The following FOXP1 variants were observed in gnomAD, a reference collection of about 807,000 sequenced individuals.
FOXP1 encodes forkhead box P1.
In FOXP1, 15 loss-of-function variants were observed where a neutral mutation model predicts 98.2. The observed-to-expected ratio is 0.15, with a 90% CI of 0.10 to 0.24. The LOEUF (loss-of-function observed/expected upper bound fraction) is 0.24, where lower values mean the gene tolerates loss of function less well. FOXP1 is among the 10% of genes least tolerant of loss of function. The pLI, the probability that FOXP1 is intolerant of heterozygous loss-of-function variation, is 1.00. For synonymous variants in FOXP1, 371 were observed against 314.5 expected (o/e 1.18, Z -1.90); for missense variants, 633 against 848.5 (o/e 0.75, Z 3.15).
At chr3:71,384,995 C>G (rs530746646) in intron 3 of FOXP1, among the ~76,000 whole-genome samples, 1 of 152,010 alleles carries the variant, frequency 6.6e-6, no homozygotes, top group Non-Finnish European at 1.5e-5. Flanking sequence ...AATAATACAG[C>G]ATTTCTTTGG....
At chr3:71,157,652 G>A (rs1175452288) in intron 6 of FOXP1, among the ~76,000 whole-genome samples, 2 of 152,324 alleles carry the variant, frequency 1.3e-5, no homozygotes, top group African/African-American at 4.8e-5. Context: ...CATTAAGTAT[G>A]TAAATCTTCT....
At chr3:71,314,396 C>T (rs765729002) in intron 4 of FOXP1, among the ~76,000 whole-genome samples, 4 of 151,804 alleles carry the variant, frequency 2.6e-5, no homozygotes, top group Admixed American at 6.6e-5. Context: ...GGTGTGGTGG[C>T]GGGAGCCTGT....
chr3:71,384,633 A>C (rs894170834), intron 3 of FOXP1, among the ~76,000 whole-genome samples: 1 of 152,244 alleles, frequency 6.6e-6, no homozygotes, highest in Admixed American at 6.5e-5. Flanking sequence ...TTCTGAGTTG[A>C]CACTGGTATG....
At chr3:71,139,521 C>G (rs1413108186) in intron 6 of FOXP1, among the ~76,000 whole-genome samples, 1 of 151,568 alleles carries the variant, frequency 6.6e-6, no homozygotes, top group Non-Finnish European at 1.5e-5. Flanking sequence ...GTTAATTGAT[C>G]TACTCTGCCC....
At chr3:70,998,514 A>G (rs1445070635) in intron 13 of FOXP1, among the ~76,000 whole-genome samples, 1 of 152,198 alleles carries the variant, frequency 6.6e-6, no homozygotes, top group Non-Finnish European at 1.5e-5. Context: ...GCAGAAATGG[A>G]ACACGTCAGA....
chr3:71,150,838 T>C (rs2060535608), intron 6 of FOXP1, among the ~76,000 whole-genome samples: 2 of 152,166 alleles, frequency 1.3e-5, no homozygotes. Context: ...TGTTTTGTTG[T>C]CTACCCCGTT....
chr3:71,088,393 G>GTTTTGTTT (rs1553730902), intron 7 of FOXP1, among the ~76,000 whole-genome samples: 3 of 120,146 alleles, frequency 2.5e-5, no homozygotes, highest in Non-Finnish European at 1.9e-5. Flanking sequence ...ACATTGTTTT[G>GTTTTGTTT]TTTTTTGTTT....
intron 20 of FOXP1, 94 bp from the exon 21 acceptor site, chr3:70,959,485 TCTAGAA>T (rs2032693885): frequency 1.5e-6 from 2 of 1,358,834 alleles, no homozygotes; most frequent in Non-Finnish European, 2.1e-6. Flanking sequence ...AAAGCCGCAC[TCTAGAA>T]CTAGAACTCT....
intron 2 of FOXP1, among the ~76,000 whole-genome samples, chr3:71,554,339 G>T (rs2045973022): frequency 6.6e-6 from 1 of 151,964 alleles, no homozygotes; most frequent in South Asian, 2.1e-4. Context: ...GGTGACAGAG[G>T]GGGACTCTGT....
At chr3:71,481,820 C>T (rs999801034) in intron 3 of FOXP1, among the ~76,000 whole-genome samples, 3 of 152,140 alleles carry the variant, frequency 2.0e-5, no homozygotes, top group Admixed American at 6.5e-5. Flanking sequence ...ACTCTAAAGG[C>T]GCCTTGAGAA....
At chr3:71,434,414 C>T (rs2108406145) in intron 3 of FOXP1, among the ~76,000 whole-genome samples, 1 of 152,278 alleles carries the variant, frequency 6.6e-6, no homozygotes, top group Non-Finnish European at 1.5e-5. Flanking sequence ...GCCCAAGTCC[C>T]AACTTCCCTC....
At chr3:71,191,079 C>T (rs1262980965) in intron 6 of FOXP1, among the ~76,000 whole-genome samples, 2 of 152,166 alleles carry the variant, frequency 1.3e-5, no homozygotes, top group African/African-American at 4.8e-5. Flanking sequence ...CTATGCACTA[C>T]CTAAAAGTAC....
At chr3:71,001,248 T>G (rs1480175383) in intron 12 of FOXP1, among the ~76,000 whole-genome samples, 189 bp from the exon 13 acceptor site, 3 of 152,174 alleles carry the variant, frequency 2.0e-5, no homozygotes, top group African/African-American at 4.8e-5. Flanking sequence ...CACACACTGT[T>G]ATCACCCAAA....
At chr3:71,501,920 G>T (rs138700541) in intron 2 of FOXP1, among the ~76,000 whole-genome samples, 1 of 152,190 alleles carries the variant, frequency 6.6e-6, no homozygotes, top group Non-Finnish European at 1.5e-5. Context: ...GGTTTCTTTC[G>T]CAGAGTGAGA....
chr3:71,186,666 G>A (rs953901076), intron 6 of FOXP1, among the ~76,000 whole-genome samples: 3 of 152,170 alleles, frequency 2.0e-5, no homozygotes, highest in Non-Finnish European at 2.9e-5. Flanking sequence ...AGCTGAGACA[G>A]GGCCACTGTA....
intron 17 of FOXP1, among the ~76,000 whole-genome samples, chr3:70,976,365 G>C (rs1009704856): frequency 1.3e-5 from 2 of 152,158 alleles, no homozygotes; most frequent in East Asian, 1.9e-4. Context: ...ACAATCTCTT[G>C]ACTTAAAACC....
chr3:71,407,764 C>CA (rs201407194), intron 3 of FOXP1, among the ~76,000 whole-genome samples: 2,578 of 140,944 alleles, frequency 0.018, 78 homozygotes, highest in African/African-American at 0.062. Flanking sequence ...AAATAGGGAC[C>CA]AAAAAAAAAA....
At chr3:71,381,403 G>C (rs150329428) in intron 3 of FOXP1, among the ~76,000 whole-genome samples, 4 of 144,918 alleles carry the variant, frequency 2.8e-5, no homozygotes, top group Non-Finnish European at 6.0e-5. Flanking sequence ...CTCCCAAAGT[G>C]CTAGGATTAC....
chr3:71,514,201 T>C (rs1460923547), intron 2 of FOXP1, among the ~76,000 whole-genome samples: 3 of 152,212 alleles, frequency 2.0e-5, no homozygotes, highest in East Asian at 1.9e-4. Context: ...TGATTATGCA[T>C]GACTTGCCCC....
Sources: allele counts gnomAD v4.1 joint callset (sites outside exome capture counted in the v4.1 genomes callset), GRCh38; gene constraint gnomAD v4.1.1; transcripts MANE v1.5; gene names NCBI Gene and HGNC (gene_info 2026-07-23, HGNC 2026-07-21).